UGT1A8: variants seen among roughly 807,000 people sequenced by gnomAD.
UGT1A8 encodes the protein UDP-glucuronosyltransferase 1A8.
In UGT1A8, 39 loss-of-function variants were observed where a neutral mutation model predicts 45.3. That is an observed-to-expected ratio of 0.86 (90% CI 0.67 to 1.12). The LOEUF (loss-of-function observed/expected upper bound fraction) is 1.12, where lower values mean the gene tolerates loss of function less well. Ranked by LOEUF, UGT1A8 falls within the 50% of genes most tolerant of loss-of-function variation. The pLI is 0.00. For missense variants in UGT1A8, 719 were observed against 664.9 expected (o/e 1.08, Z -0.90); for synonymous variants, 275 against 249.2 (o/e 1.10, Z -0.97).
rs191784269 is a variant in UGT1A8 at position 233,638,220 on chromosome 2, A to G, written c.855+19658A>G. Among the ~76,000 whole-genome samples the G allele has an allele frequency of 2.6e-5, 4 of 152,268 alleles. No homozygotes were observed. In the East Asian group the frequency reaches 7.7e-4, roughly 29 times the overall value. On this transcript the variant is annotated intron_variant, in intron 1 of 4. Coordinates refer to ENST00000373450, the MANE Select transcript of UGT1A8 (RefSeq NM_019076.5). ...TCTTGTTTTATATACATAAATAAAAATTTTCACTATATAAGCATTTTATGT... is the reference window on the plus strand; with the variant it reads ...TCTTGTTTTATATACATAAATAAAAGTTTTCACTATATAAGCATTTTATGT...
At chr2:233,639,452 C>T (rs189697895) in intron 1 of UGT1A8, among the ~76,000 whole-genome samples, 183 of 152,334 alleles carry the variant, frequency 1.2e-3, no homozygotes, top group African/African-American at 4.3e-3. Context: ...CTGCATATTG[C>T]TCTTTCCTTG....
chr2:233,724,563 G>A, intron 1 of UGT1A8, among the ~76,000 whole-genome samples: 1 of 129,616 alleles, frequency 7.7e-6, no homozygotes, highest in Non-Finnish European at 1.6e-5. Flanking sequence ...CCCAGATGGG[G>A]CGGCGGGGCA....
intron 1 of UGT1A8, among the ~76,000 whole-genome samples, chr2:233,721,219 T>C (rs535662083): frequency 2.0e-5 from 3 of 152,354 alleles, no homozygotes; most frequent in African/African-American, 7.2e-5. Flanking sequence ...TTTCCCCTTA[T>C]GCAATGTAGT....
At chr2:233,754,712 G>A (rs1446965337) in intron 1 of UGT1A8, 3 of 540,884 alleles carry the variant, frequency 5.5e-6, no homozygotes, top group East Asian at 1.4e-4. Context: ...TGGACTTGAA[G>A]CTGCCTGTCC....
At chr2:233,689,462 A>T (rs2074944838) in intron 1 of UGT1A8, among the ~76,000 whole-genome samples, 1 of 152,236 alleles carries the variant, frequency 6.6e-6, no homozygotes, top group Admixed American at 6.5e-5. Flanking sequence ...CATTTTAGGA[A>T]AACAGAAGTT....
At chr2:233,653,307 T>C (rs2602373) in intron 1 of UGT1A8, among the ~76,000 whole-genome samples, 34,032 of 152,122 alleles carry the variant, frequency 0.22, 4,751 homozygotes, top group South Asian at 0.38. Context: ...TAGGTAATAA[T>C]AACATACAGG....
At chr2:233,753,670 G>T (rs1438239507) in intron 1 of UGT1A8, 3 of 152,198 alleles carry the variant, frequency 2.0e-5, no homozygotes, top group Admixed American at 6.5e-5. Flanking sequence ...TGTGTATGGT[G>T]CCTCACCCAA....
intron 1 of UGT1A8, among the ~76,000 whole-genome samples, chr2:233,696,827 A>T (rs1388202495): frequency 6.6e-6 from 1 of 152,200 alleles, no homozygotes; most frequent in African/African-American, 2.4e-5. Context: ...GAGAGTGTGT[A>T]TCATAAAGGG....
intron 1 of UGT1A8, chr2:233,682,340 G>C: frequency 6.2e-7 from 1 of 1,614,084 alleles, no homozygotes; most frequent in Non-Finnish European, 8.5e-7. Context: ...AAAATTAGTA[G>C]AATACTTAAA....
intron 1 of UGT1A8, among the ~76,000 whole-genome samples, chr2:233,659,173 A>C (rs984722355): frequency 5.3e-5 from 8 of 152,114 alleles, no homozygotes; most frequent in African/African-American, 1.9e-4. Context: ...CATGTTTTTG[A>C]TGTTAAGTGG....
rs761082067 is a variant in UGT1A8, at chr2:233,637,375, A to G, written c.855+18813A>G. 13 of 1,611,812 alleles carry G rather than the reference A, an allele frequency of 8.1e-6. No homozygotes were observed. In the African/African-American group the frequency reaches 1.1e-4, roughly 13 times the overall value. ...CTGTCATCAGGGAAAGCCATTGCCT[A>G]TGGTAAGTCACCTCTCCTTTAGCAC... is the stretch of plus-strand genomic sequence containing the variant. On this transcript the variant is annotated intron_variant, in intron 1 of 4. Transcript: ENST00000373450.
rs565827538 is a variant in UGT1A8 at position 233,649,053 on chromosome 2, A to C, written c.855+30491A>C. On this transcript the variant is annotated intron_variant, in intron 1 of 4. Coordinates refer to ENST00000373450, the MANE Select transcript of UGT1A8 (RefSeq NM_019076.5). ...TAAGTCATTGCTCCTTTAGCACATT[A>C]AAAGTATTCTGGATTTGAATATTTA... The C allele has an allele frequency of 2.4e-3, 2,406 of 985,808 alleles. 6 individuals carry two copies. Among genetic ancestry groups the C allele is most frequent in the Non-Finnish European group, 2.8e-3 (2,023 of 734,600 alleles). 61.1% of individuals were successfully genotyped at this position (985,808 alleles called of 1,614,324 possible). A position where few individuals can be genotyped will look rare whatever the true frequency, so the allele number is the denominator to read the frequency against.
chr2:233,654,866 C>T (rs1449055337), intron 1 of UGT1A8, among the ~76,000 whole-genome samples: 23 of 152,086 alleles, frequency 1.5e-4, no homozygotes, highest in African/African-American at 2.9e-4. Flanking sequence ...CTGAGGTGGG[C>T]GGATCACCTG....
At position 233,767,164 on chromosome 2, in the gene UGT1A8, C is replaced by G. The variant is rs1699322267; in HGVS notation, c.986C>G (p.Thr329Arg). ...GATGCTTTGGGCAAAATCCCTCAGA[C>G]AGTAAGAAGATTCTATACCATGGCC... is the stretch of plus-strand genomic sequence containing the variant. Reference protein sequence around the residue: ...IADALGKIPQTVLWRYTGTRP... With the variant: ...IADALGKIPQRVLWRYTGTRP... The change falls in exon 2 of 5, where the codon ACA (threonine) becomes AGA (arginine). Residue 329 changes from threonine (T) to arginine (R), a missense_variant and splice_region_variant. Transcript: ENST00000373450. The G allele has an allele frequency of 6.2e-7, 1 of 1,614,090 alleles. No homozygotes were observed.
intron 1 of UGT1A8, among the ~76,000 whole-genome samples, chr2:233,653,951 T>G (rs1401766600): frequency 1.3e-5 from 2 of 152,254 alleles, no homozygotes; most frequent in Non-Finnish European, 2.9e-5. Flanking sequence ...CTCTTCATTA[T>G]TGAGGACATT....
chr2:233,649,983 G>A (rs2073698913), intron 1 of UGT1A8, among the ~76,000 whole-genome samples: 1 of 152,056 alleles, frequency 6.6e-6, no homozygotes, highest in Admixed American at 6.6e-5. Context: ...TTGTTTGTTT[G>A]TTTTGAGACA....
At chr2:233,636,187 A>G (rs1346532054) in intron 1 of UGT1A8, among the ~76,000 whole-genome samples, 1 of 150,934 alleles carries the variant, frequency 6.6e-6, no homozygotes, top group Non-Finnish European at 1.5e-5. Context: ...AGCATTATTC[A>G]AATTTACTTT....
chr2:233,701,408 C>A (rs2075626075), intron 1 of UGT1A8, among the ~76,000 whole-genome samples: 1 of 152,062 alleles, frequency 6.6e-6, no homozygotes, highest in Non-Finnish European at 1.5e-5. Flanking sequence ...GACTTTAACA[C>A]CCCACTGTCA....
intron 1 of UGT1A8, among the ~76,000 whole-genome samples, chr2:233,705,054 T>C (rs1353649860): frequency 6.6e-6 from 1 of 151,808 alleles, no homozygotes; most frequent in Non-Finnish European, 1.5e-5. Context: ...GAGAATTGCT[T>C]GAACCCGGGA....
Sources: allele counts gnomAD v4.1 joint callset (sites outside exome capture counted in the v4.1 genomes callset), GRCh38; gene constraint gnomAD v4.1.1; transcripts MANE v1.5; gene names NCBI Gene and HGNC (gene_info 2026-07-23, HGNC 2026-07-21).